NOP14: variants seen among roughly 807,000 people sequenced by gnomAD.
The protein encoded by NOP14 is nucleolar protein 14.
Under a neutral mutation model 101.6 loss-of-function variants are expected in NOP14, and 57 were observed. That is an observed-to-expected ratio of 0.56 (90% CI 0.45 to 0.70). The LOEUF (loss-of-function observed/expected upper bound fraction) is 0.70, where lower values mean the gene tolerates loss of function less well. Ranked by LOEUF, NOP14 falls within the 30% of genes least tolerant of loss-of-function variation. The probability of loss-of-function intolerance (pLI) is 0.00; values close to 1 mark genes in which losing one functional copy is unlikely to be tolerated. For synonymous variants in NOP14, 428 were observed against 424.0 expected (o/e 1.01, Z -0.12); for missense variants, 1,134 against 1,075.5 (o/e 1.05, Z -0.76).
At chr4:2,941,345 C>T (rs1714170450) in intron 15 of NOP14, 1 of 524,390 alleles carries the variant, frequency 1.9e-6, no homozygotes, top group Non-Finnish European at 3.4e-6. Context: ...GGAGGAAGCA[C>T]ACAAGGCGAC....
intron 12 of NOP14, 87 bp from the exon 13 acceptor site, chr4:2,944,313 C>T: frequency 1.6e-6 from 2 of 1,249,684 alleles, no homozygotes; most frequent in Non-Finnish European, 2.3e-6. Context: ...ATGAACCACG[C>T]ACCCCACTGA....
Position 2,960,780 on chromosome 4 carries a change from T to A in NOP14, c.195+2345A>T, listed in dbSNP as rs1286414114. ...TCACATTAATATTAATATATTAATA[T>A]TATAATCACATTAATATTAATATAT... is the stretch of plus-strand genomic sequence containing the variant. On this transcript the variant is annotated intron_variant, in intron 1 of 17. Transcript: ENST00000416614. Among the ~76,000 whole-genome samples the A allele has an allele frequency of 2.3e-5, 3 of 129,780 alleles. No individual in the cohort carries two copies. In the East Asian group the frequency reaches 6.7e-4, roughly 29 times the overall value. 85.1% of individuals were successfully genotyped at this position (129,780 alleles called of 152,430 possible). A position where few individuals can be genotyped will look rare whatever the true frequency, so the allele number is the denominator to read the frequency against.
At chr4:2,941,883 G>C in intron 14 of NOP14, 154 bp from the exon 15 acceptor site, 1 of 852,508 alleles carries the variant, frequency 1.2e-6, no homozygotes, top group Non-Finnish European at 1.8e-6. Flanking sequence ...TGCAACCACG[G>C]GCAAGGCAGG....
Position 2,948,266 on chromosome 4 carries a change from C to G in NOP14, c.1413+12G>C, listed in dbSNP as rs185021659. The G allele has an allele frequency of 1.3e-6, 2 of 1,593,162 alleles. No homozygotes were observed. The highest frequency in any genetic ancestry group is 2.7e-5 in the African/African-American group (2 of 73,292). On this transcript the variant is annotated intron_variant, in intron 9 of 17. Transcript: ENST00000416614. ...ACACTCCCAGCGCTCCACACACACTCAATCCACGTACTTCTAATTTTGCTT... is the reference window on the plus strand; with the variant it reads ...ACACTCCCAGCGCTCCACACACACTGAATCCACGTACTTCTAATTTTGCTT...
Position 2,947,607 on chromosome 4 carries a change from A to G in NOP14, c.1418T>C (p.Leu473Pro). 2.5e-6 allele frequency: 4 copies of G among 1,613,438 alleles called. No individual in the cohort carries two copies. Among genetic ancestry groups the G allele is most frequent in the Non-Finnish European group, 3.4e-6 (4 of 1,179,420 alleles). ...AACGTATTCCAAAAGAAAGCCAAAC[A>G]GTTTCTGCAGGAACATGAATTGGGA... The part of the protein sequence containing the change: ...AEGNKAKLEK[L>P]FGFLLEYVGD... The change falls in exon 10 of 18, where the codon CTG becomes CCG. Residue 473 changes from leucine to proline, a missense_variant. By Grantham distance (98) the Leu-to-Pro change is moderately conservative (BLOSUM62 -3). Coordinates refer to ENST00000416614, the MANE Select transcript of NOP14 (RefSeq NM_001291978.2).
intron 1 of NOP14, 46 bp downstream of exon 1, chr4:2,963,079 G>A (rs1716240074): frequency 1.4e-6 from 2 of 1,463,594 alleles, no homozygotes; most frequent in African/African-American, 1.5e-5. Context: ...AGAGCAGCGT[G>A]GGGTCCAGAT....
At position 2,947,550 on chromosome 4, in the gene NOP14, A is replaced by T. The variant is rs371795581; in HGVS notation, c.1475T>A (p.Leu492His). ...GDLATDDPPD[L>H]TVIDKLVVHL... is the part of the protein sequence containing the mutation. ...CACAACCAACTTATCAATGACTGTG[A>T]GGTCTGGTGGGTCATCTGTAGCCAA... Residue 492 changes from leucine (L) to histidine (H), a missense_variant, in exon 10 of 18, where the codon CTC becomes CAC. By Grantham distance (99) the Leu-to-His change is moderately conservative. Transcript: ENST00000416614. 1 of 1,613,592 alleles carries T rather than the reference A, an allele frequency of 6.2e-7. No homozygotes were observed. The highest frequency in any genetic ancestry group is 8.5e-7 in the Non-Finnish European group (1 of 1,179,596).
At chr4:2,959,582 GAC>G (rs199738856) in intron 1 of NOP14, among the ~76,000 whole-genome samples, 1 of 116,392 alleles carries the variant, frequency 8.6e-6, no homozygotes, top group African/African-American at 3.9e-5. Flanking sequence ...GACAGACAAA[GAC>G]TCTGTCTCAA....
chr4:2,942,782 C>G lies in NOP14; in HGVS notation c.1892-431G>C, dbSNP rs189620183. Reference sequence around the variant, plus strand: ...GCAGGAGGGAGACAGGAGAGTCAGTCGGGGGTGACGGTGGAGGGCGGGAGA... The same window carrying G: ...GCAGGAGGGAGACAGGAGAGTCAGTGGGGGGTGACGGTGGAGGGCGGGAGA... On this transcript the variant is annotated intron_variant, in intron 13 of 17. Coordinates refer to ENST00000416614, the MANE Select transcript of NOP14 (RefSeq NM_001291978.2). Among the ~76,000 whole-genome samples, 514 of 152,166 alleles carry G rather than the reference C, an allele frequency of 3.4e-3. 7 individuals are homozygous for G. Among genetic ancestry groups the G allele is most frequent in the African/African-American group, 0.011 (474 of 41,488 alleles).
chr4:2,943,301 G>A (rs990829636), intron 13 of NOP14, among the ~76,000 whole-genome samples: 6 of 152,362 alleles, frequency 3.9e-5, no homozygotes, highest in African/African-American at 9.6e-5. Context: ...ACATGCAGGC[G>A]CTTAGCACTG....
chr4:2,956,659 C>T lies in NOP14; in HGVS notation c.472+11G>A. On this transcript the variant is annotated intron_variant, in intron 3 of 17. Coordinates refer to ENST00000416614, the MANE Select transcript of NOP14 (RefSeq NM_001291978.2). ...ACGCCCACAGGCCCGTGCACAGCAC[C>T]CCAGCCTCACCAGACAACGTTCCTC... 4.3e-6 allele frequency: 7 copies of T among 1,610,044 alleles called. No homozygotes were observed. The highest frequency in any genetic ancestry group is 5.1e-6 in the Non-Finnish European group (6 of 1,178,788).
At position 2,944,194 on chromosome 4, in the gene NOP14, C is replaced by G. The variant is rs1714437464; in HGVS notation, c.1770G>C (p.Lys590Asn). 1.9e-6 allele frequency: 3 copies of G among 1,613,988 alleles called. No individual in the cohort carries two copies. Among genetic ancestry groups the G allele is most frequent in the Non-Finnish European group, 2.5e-6 (3 of 1,180,000 alleles). Residue 590 changes from lysine (K) to asparagine (N), a missense_variant, in exon 13 of 18, where the codon AAG becomes AAC. By Grantham distance (94) the Lys-to-Asn change is moderately conservative. Coordinates refer to ENST00000416614, the MANE Select transcript of NOP14 (RefSeq NM_001291978.2). ...CPILSLQDVV[K>N]GLFVCCLFLE... ...GGAACAGGCAGCACACGAACAGGCC[C>G]TTCACCACGTCCTGGAGGGACAGGA...
Position 2,941,337 on chromosome 4 carries a change from A to G in NOP14, c.2199+245T>C, listed in dbSNP as rs1714170121. 39 of 508,622 alleles carry G rather than the reference A, an allele frequency of 7.7e-5. No homozygotes were observed. In the South Asian group the frequency reaches 8.5e-4, roughly 11 times the overall value. 31.5% of individuals were successfully genotyped at this position (508,622 alleles called of 1,614,324 possible). On this transcript the variant is annotated intron_variant, in intron 15 of 17. Transcript: ENST00000416614. ...GTGCACCCTCCGTGCGGCCTCTTGG[A>G]GGAAGCACACAAGGCGACAGTTCCC... is the stretch of plus-strand genomic sequence containing the variant.
chr4:2,950,900 G>A (rs1714985137), intron 7 of NOP14: 2 of 474,952 alleles, frequency 4.2e-6, no homozygotes, highest in African/African-American at 1.9e-5. Context: ...GAGAAAGAGA[G>A]CGTGAGCAAG....
intron 8 of NOP14, 136 bp from the exon 9 acceptor site, chr4:2,948,544 T>A (rs1714813681): frequency 1.7e-6 from 1 of 603,372 alleles, no homozygotes; most frequent in Admixed American, 4.5e-5. Flanking sequence ...AACTTCCGCC[T>A]CCTGGGTTCA....
intron 1 of NOP14, among the ~76,000 whole-genome samples, chr4:2,960,308 G>C (rs927364055): frequency 4.6e-5 from 7 of 151,978 alleles, no homozygotes; most frequent in African/African-American, 1.7e-4. Flanking sequence ...TCCCTGCAGA[G>C]GGAGGGAGTG....
intron 1 of NOP14, among the ~76,000 whole-genome samples, chr4:2,960,848 C>A (rs1275664088): frequency 2.6e-5 from 3 of 116,086 alleles, no homozygotes; most frequent in African/African-American, 3.6e-5. Flanking sequence ...ATTATAATCA[C>A]ATTATCAATA....
Position 2,951,102 on chromosome 4 carries a change from C to A in NOP14, c.1002+12G>T. ...AAGAGAGAGAAAGAGAAAATGAAGG[C>A]AAACATCTTACTTTGTAGGAAAGCA... On this transcript the variant is annotated intron_variant, in intron 7 of 17. Transcript: ENST00000416614. 2 of 1,581,580 alleles carry A rather than the reference C, an allele frequency of 1.3e-6. No homozygotes were observed. Among genetic ancestry groups the A allele is most frequent in the African/African-American group, 1.4e-5 (1 of 73,738 alleles).
At chr4:2,941,456 G>T in intron 15 of NOP14, 126 bp downstream of exon 15, 3 of 828,704 alleles carry the variant, frequency 3.6e-6, no homozygotes, top group Non-Finnish European at 5.7e-6. Flanking sequence ...CTTCATATTT[G>T]TGATTTTGCA....
Sources: allele counts gnomAD v4.1 joint callset (sites outside exome capture counted in the v4.1 genomes callset), GRCh38; gene constraint gnomAD v4.1.1; transcripts MANE v1.5; gene names NCBI Gene and HGNC (gene_info 2026-07-23, HGNC 2026-07-21).